The following SAMD12 variants were observed in gnomAD, a reference collection of about 807,000 sequenced individuals.
The protein encoded by SAMD12 is sterile alpha motif domain-containing protein 12.
A neutral mutation model predicts 15.0 loss-of-function variants in SAMD12; 9 were observed. The ratio of observed to expected loss-of-function variants is 0.60; its 90% CI spans 0.36 to 1.05. The LOEUF is 1.05. Ranked by LOEUF, SAMD12 falls within the 50% of genes least tolerant of loss-of-function variation. The pLI, the probability that SAMD12 is intolerant of heterozygous loss-of-function variation, is 0.01. For synonymous variants in SAMD12, 86 were observed against 90.1 expected (o/e 0.96, Z 0.25); for missense variants, 230 against 234.2 (o/e 0.98, Z 0.12).
chr8:118,203,062 T>G (rs916735835), intron 4 of SAMD12, among the ~76,000 whole-genome samples: 16 of 152,218 alleles, frequency 1.1e-4, no homozygotes, highest in African/African-American at 3.4e-4. Context: ...CTAGAATGCA[T>G]AGAGCTGGGA....
intron 2 of SAMD12, among the ~76,000 whole-genome samples, chr8:118,530,497 C>T (rs969658698): frequency 6.6e-6 from 1 of 152,092 alleles, no homozygotes; most frequent in Non-Finnish European, 1.5e-5. Flanking sequence ...TATTAGTTCA[C>T]TTAGGATAAT....
chr8:118,449,928 C>T (rs1823029110), intron 2 of SAMD12, among the ~76,000 whole-genome samples: 1 of 151,964 alleles, frequency 6.6e-6, no homozygotes, highest in African/African-American at 2.4e-5. Context: ...CCTGGGTTTG[C>T]TGCAATGACA....
chr8:118,239,634 C>T (rs1812522620), intron 4 of SAMD12, among the ~76,000 whole-genome samples: 1 of 152,172 alleles, frequency 6.6e-6, no homozygotes, highest in African/African-American at 2.4e-5. Flanking sequence ...GATTTATTTT[C>T]TACCCAGGCC....
chr8:118,174,115 G>A, the SAMD12 span, among the ~76,000 whole-genome samples: 2 of 152,288 alleles, frequency 1.3e-5, no homozygotes, highest in African/African-American at 4.8e-5. Context: ...AGCTGCTTCT[G>A]GGTTTTGGCC....
intron 2 of SAMD12, among the ~76,000 whole-genome samples, chr8:118,482,473 T>C (rs1824155759): frequency 6.6e-6 from 1 of 152,080 alleles, no homozygotes. Context: ...TATATTTTTT[T>C]TAAATTGTGT....
At chr8:118,602,813 G>A (rs1338255523) in intron 1 of SAMD12, among the ~76,000 whole-genome samples, 1 of 152,066 alleles carries the variant, frequency 6.6e-6, no homozygotes, top group Non-Finnish European at 1.5e-5. Flanking sequence ...TATGAGCAAA[G>A]TCTCTAATAT....
intron 4 of SAMD12, among the ~76,000 whole-genome samples, chr8:118,299,922 G>A (rs1474182858): frequency 4.6e-5 from 7 of 152,040 alleles, no homozygotes; most frequent in Admixed American, 6.6e-5. Flanking sequence ...AGCTGGGCAT[G>A]GTTCATCTCA....
downstream of SAMD12, among the ~76,000 whole-genome samples, chr8:118,186,648 T>C (rs542899872): frequency 3.7e-4 from 56 of 152,182 alleles, no homozygotes; most frequent in South Asian, 6.4e-3. Flanking sequence ...AAATATAGTA[T>C]TATCATATCC....
chr8:118,351,195 G>C (rs577380840), intron 4 of SAMD12, among the ~76,000 whole-genome samples: 12 of 152,248 alleles, frequency 7.9e-5, no homozygotes, highest in African/African-American at 2.9e-4. Flanking sequence ...TACAAGGAAG[G>C]CATCAACTAC....
intron 2 of SAMD12, among the ~76,000 whole-genome samples, chr8:118,520,723 A>AT (rs1349366196): frequency 2.0e-5 from 3 of 152,152 alleles, no homozygotes; most frequent in African/African-American, 2.4e-5. Flanking sequence ...AATCACTTAC[A>AT]TTTTTGCTTT....
At chr8:118,281,074 G>A (rs1015756866) in intron 4 of SAMD12, among the ~76,000 whole-genome samples, 1 of 150,452 alleles carries the variant, frequency 6.6e-6, no homozygotes, top group Non-Finnish European at 1.5e-5. Flanking sequence ...ACAGCTAGTT[G>A]TACTAGCAAG....
At chr8:118,347,547 G>A (rs1817726208) in intron 4 of SAMD12, among the ~76,000 whole-genome samples, 1 of 152,220 alleles carries the variant, frequency 6.6e-6, no homozygotes, top group African/African-American at 2.4e-5. Flanking sequence ...ACAGCTTTTT[G>A]AAGATTAATA....
chr8:118,267,978 G>A (rs1011014551), intron 4 of SAMD12, among the ~76,000 whole-genome samples: 57 of 152,264 alleles, frequency 3.7e-4, no homozygotes, highest in African/African-American at 1.3e-3. Flanking sequence ...TGTAATCTGA[G>A]CTATTTGGGA....
At chr8:118,225,162 G>A (rs1312220846) in intron 4 of SAMD12, among the ~76,000 whole-genome samples, 2 of 152,168 alleles carry the variant, frequency 1.3e-5, no homozygotes, top group East Asian at 3.9e-4. Context: ...AATAGTAAAA[G>A]TAGTTCTCCC....
At chr8:118,463,988 C>T (rs1160095967) in intron 2 of SAMD12, among the ~76,000 whole-genome samples, 3 of 152,148 alleles carry the variant, frequency 2.0e-5, no homozygotes, top group East Asian at 1.9e-4. Flanking sequence ...CTCTGTGAGA[C>T]TATGTCTGAG....
At chr8:118,499,800 T>C (rs931657171) in intron 2 of SAMD12, among the ~76,000 whole-genome samples, 7 of 152,124 alleles carry the variant, frequency 4.6e-5, no homozygotes, top group African/African-American at 1.4e-4. Context: ...CCTTGAGTAA[T>C]GAAAAAAATT....
At chr8:118,584,659 T>C (rs1216794830) in intron 1 of SAMD12, among the ~76,000 whole-genome samples, 2 of 152,172 alleles carry the variant, frequency 1.3e-5, no homozygotes, top group East Asian at 1.9e-4. Context: ...CCAAAATGAA[T>C]TTCACAAACA....
At chr8:118,495,242 C>A (rs895697636) in intron 2 of SAMD12, among the ~76,000 whole-genome samples, 2 of 152,162 alleles carry the variant, frequency 1.3e-5, no homozygotes, top group Non-Finnish European at 2.9e-5. Context: ...ACATATGCCC[C>A]TGTCAAAATA....
intron 2 of SAMD12, among the ~76,000 whole-genome samples, chr8:118,575,360 C>T (rs1439633846): frequency 6.6e-6 from 1 of 152,200 alleles, no homozygotes; most frequent in Non-Finnish European, 1.5e-5. Flanking sequence ...GCTGTTTTCT[C>T]CCTGAGGAGT....
Sources: gnomAD v4.1 joint callset for allele counts (sites outside exome capture counted in the v4.1 genomes callset) on GRCh38, gnomAD v4.1.1 for gene constraint, MANE v1.5 for transcripts, NCBI Gene and HGNC (gene_info 2026-07-23, HGNC 2026-07-21) for gene names.